The following LTBP1 variants were observed in gnomAD, a reference collection of about 807,000 sequenced individuals.
The protein encoded by LTBP1 is latent transforming growth factor beta binding protein 1, also known as latent-transforming growth factor beta-binding protein 1.
Under a neutral mutation model 207.6 loss-of-function variants are expected in LTBP1, and 129 were observed. The observed-to-expected ratio is 0.62, with a 90% CI of 0.54 to 0.72. The LOEUF is 0.72. Ranked by LOEUF, LTBP1 falls within the 30% of genes least tolerant of loss-of-function variation. LTBP1 has a pLI of 0.00. For missense variants in LTBP1, 2,281 were observed against 2,217.2 expected, an observed-to-expected ratio of 1.03 and a Z score of -0.58; for synonymous variants, 963 against 833.7, an observed-to-expected ratio of 1.16 and a Z score of -2.67.
intron 7 of LTBP1, among the ~76,000 whole-genome samples, chr2:33,208,544 G>A (rs1486214758): frequency 1.3e-5 from 2 of 152,058 alleles, no homozygotes; most frequent in Non-Finnish European, 2.9e-5. Context: ...CCTAGGTCAG[G>A]GTATGAGGAT....
chr2:33,134,624 G>A lies in LTBP1; in HGVS notation c.1034-169G>A, dbSNP rs2082007943. On this transcript the variant is annotated intron_variant, in intron 4 of 33. Coordinates refer to ENST00000404816, the MANE Select transcript of LTBP1 (RefSeq NM_206943.4). The surrounding 1 kb of genome is among the most constrained non-coding windows in gnomAD (Gnocchi z 4.4). The stretch of plus-strand genomic sequence containing the variant: ...GACACCACTGAATACAGAGCAGCGA[G>A]CACTGAAGGCTTCCCTCTTTCCTTA... 6 of 1,532,306 alleles carry A rather than the reference G, an allele frequency of 3.9e-6. No homozygotes were observed. The highest frequency in any genetic ancestry group is 1.3e-5 in the South Asian group (1 of 79,442). The allele number at this position is 1,532,306 out of a possible 1,614,324, so 94.9% of individuals were successfully genotyped here.
chr2:33,079,680 C>T (rs897120496), intron 3 of LTBP1, among the ~76,000 whole-genome samples: 2 of 152,202 alleles, frequency 1.3e-5, no homozygotes, highest in Non-Finnish European at 1.5e-5. Context: ...CAGACTTCTC[C>T]CAGTTCTGGT....
At chr2:32,968,379 T>C (rs928413151) in intron 2 of LTBP1, among the ~76,000 whole-genome samples, 2 of 152,244 alleles carry the variant, frequency 1.3e-5, no homozygotes, top group African/African-American at 2.4e-5. Context: ...AATGCTCCCC[T>C]TTATGCCTGA....
chr2:33,209,112 A>AC (rs2090105459), intron 7 of LTBP1, among the ~76,000 whole-genome samples: 1 of 151,692 alleles, frequency 6.6e-6, no homozygotes, highest in African/African-American at 2.4e-5. Flanking sequence ...ACCTCAAGTG[A>AC]CCCGCCTGCC....
At chr2:33,203,229 A>G (rs2089513238) in intron 7 of LTBP1, among the ~76,000 whole-genome samples, 1 of 152,194 alleles carries the variant, frequency 6.6e-6, no homozygotes, top group Non-Finnish European at 1.5e-5. Flanking sequence ...AACCTCTGCC[A>G]GATTGACTTT....
chr2:33,182,695 TATATACAC>T (rs752757338), intron 5 of LTBP1, among the ~76,000 whole-genome samples: 7 of 84,654 alleles, frequency 8.3e-5, no homozygotes, highest in Middle Eastern at 6.3e-3. Context: ...GTGATATATA[TATATACAC>T]ACACACACAC....
rs2093968930 is a variant in LTBP1, at chr2:33,300,538, G to C, written c.3323G>C (p.Gly1108Ala). ...EGSFRCTCGQ[G>A]YQLSAAKDQC... ...TCCTTCAGGTGCACCTGTGGACAGG[G>C]GTACCAGCTGTCGGCAGCTAAAGAC... The change falls in exon 21 of 34, where the codon GGG becomes GCG. Residue 1108 changes from glycine (G) to alanine (A), a missense_variant. Transcript: ENST00000404816. 6.2e-7 allele frequency: 1 copy of C among 1,613,550 alleles called. No homozygotes were observed. The highest frequency in any genetic ancestry group is 1.3e-5 in the African/African-American group (1 of 75,026).
chr2:33,286,690 A>G lies in LTBP1; in HGVS notation c.3113-6470A>G, dbSNP rs571597354. Among the ~76,000 whole-genome samples the G allele has an allele frequency of 7.2e-5, 11 of 152,346 alleles. No homozygotes were observed. The East Asian group carries it at 1.9e-3, about 27-fold the overall frequency. ...ATAAAAACACCCACCCAAATGTCCAACAATGATAGACTGGATTAAGAAAAC... is the reference window on the plus strand; with the variant it reads ...ATAAAAACACCCACCCAAATGTCCAGCAATGATAGACTGGATTAAGAAAAC... On this transcript the variant is annotated intron_variant, in intron 19 of 33. Coordinates refer to ENST00000404816, the MANE Select transcript of LTBP1 (RefSeq NM_206943.4).
intron 2 of LTBP1, among the ~76,000 whole-genome samples, chr2:33,013,322 G>A (rs1228988229): frequency 6.6e-6 from 1 of 151,702 alleles, no homozygotes. Flanking sequence ...TTGTTAATTT[G>A]GACATTACCC....
At chr2:33,172,204 C>G (rs1468868849) in intron 5 of LTBP1, among the ~76,000 whole-genome samples, 4 of 152,190 alleles carry the variant, frequency 2.6e-5, no homozygotes, top group East Asian at 1.9e-4. Context: ...GTAAAAGACA[C>G]AGACTGGCAA....
intron 24 of LTBP1, among the ~76,000 whole-genome samples, chr2:33,328,317 A>T (rs1471944024): frequency 2.0e-5 from 3 of 152,118 alleles, no homozygotes. Context: ...CAATACTCAT[A>T]CATAGCACTT....
chr2:33,195,179 C>T (rs2088407963), intron 7 of LTBP1, among the ~76,000 whole-genome samples: 1 of 152,206 alleles, frequency 6.6e-6, no homozygotes, highest in Non-Finnish European at 1.5e-5. Context: ...AACATCCATT[C>T]TGTAGCCCAT....
chr2:33,163,667 T>TA (rs1314648683), intron 5 of LTBP1, among the ~76,000 whole-genome samples: 1 of 152,176 alleles, frequency 6.6e-6, no homozygotes, highest in Admixed American at 6.5e-5. Flanking sequence ...TATATATATG[T>TA]AACAGAATTT....
chr2:32,982,008 G>T (rs918034992), intron 2 of LTBP1, among the ~76,000 whole-genome samples: 1 of 152,240 alleles, frequency 6.6e-6, no homozygotes, highest in East Asian at 1.9e-4. Flanking sequence ...ACCCGAAAAT[G>T]TGGAAGCAAC....
chr2:33,077,275 T>C (rs377892), intron 3 of LTBP1, among the ~76,000 whole-genome samples: 75,313 of 152,170 alleles, frequency 0.49, 21,147 homozygotes, highest in East Asian at 0.65. Flanking sequence ...CTAAGGGGGA[T>C]ACAAAGCTTT....
chr2:33,117,701 G>T (rs987083890), intron 4 of LTBP1, among the ~76,000 whole-genome samples: 17 of 152,172 alleles, frequency 1.1e-4, no homozygotes, highest in African/African-American at 4.1e-4. Flanking sequence ...GCTCATGGGA[G>T]GTGTCCCTGG....
intron 23 of LTBP1, among the ~76,000 whole-genome samples, chr2:33,314,020 C>T (rs2094225551): frequency 1.3e-5 from 2 of 152,122 alleles, no homozygotes; most frequent in Non-Finnish European, 2.9e-5. Flanking sequence ...GTAAACAGTC[C>T]ATGTGTTATC....
chr2:33,110,203 A>G (rs1258344920), intron 3 of LTBP1, among the ~76,000 whole-genome samples: 1 of 152,174 alleles, frequency 6.6e-6, no homozygotes, highest in African/African-American at 2.4e-5. Flanking sequence ...CGATCCTCCC[A>G]TCTCAGCCTC....
rs115156697 is a variant in LTBP1, at chr2:32,975,685, A to T, written c.565+26740A>T. Among the ~76,000 whole-genome samples, 1,019 of 123,152 alleles carry T rather than the reference A, an allele frequency of 8.3e-3. 13 individuals are homozygous for T. Among genetic ancestry groups the T allele is most frequent in the African/African-American group, 0.029 (946 of 33,154 alleles). 80.8% of individuals were successfully genotyped at this position (123,152 alleles called of 152,430 possible). ...CTGAGATTCTTTCCTCAGCTTGGTT[A>T]ATTCTGCTGTTAATACTTGTTATGA... On this transcript the variant is annotated intron_variant, in intron 2 of 33. Coordinates refer to ENST00000404816, the MANE Select transcript of LTBP1 (RefSeq NM_206943.4).
Sources: allele counts gnomAD v4.1 joint callset (sites outside exome capture counted in the v4.1 genomes callset), GRCh38; gene constraint gnomAD v4.1.1; non-coding constraint Gnocchi (gnomAD v3.1); transcripts MANE v1.5; gene names NCBI Gene and HGNC (gene_info 2026-07-23, HGNC 2026-07-21).